EMCN: variants seen among roughly 807,000 people sequenced by gnomAD.
EMCN encodes MUC-14.
A neutral mutation model predicts 38.4 loss-of-function variants in EMCN; 37 were observed. That is an observed-to-expected ratio of 0.96 (90% CI 0.74 to 1.27). The LOEUF is 1.27. EMCN is among the 50% of genes most tolerant of loss of function. The pLI is 0.00. For missense variants in EMCN, 318 were observed against 302.8 expected (o/e 1.05, Z -0.37); for synonymous variants, 95 against 100.8 (o/e 0.94, Z 0.35).
At chr4:100,510,449 T>C (rs529912837) in intron 1 of EMCN, among the ~76,000 whole-genome samples, 1 of 152,340 alleles carries the variant, frequency 6.6e-6, no homozygotes, top group African/African-American at 2.4e-5. Flanking sequence ...ATTAACATTG[T>C]AATTGTTTAA....
intron 1 of EMCN, among the ~76,000 whole-genome samples, chr4:100,498,537 A>G (rs951612701): frequency 6.6e-6 from 1 of 151,272 alleles, no homozygotes; most frequent in Non-Finnish European, 1.5e-5. Context: ...CCAGGAGTGC[A>G]GTGGCACAAT....
At chr4:100,507,132 G>T (rs1318580313) in intron 1 of EMCN, among the ~76,000 whole-genome samples, 1 of 152,088 alleles carries the variant, frequency 6.6e-6, no homozygotes, top group East Asian at 1.9e-4. Flanking sequence ...TACCCTATAG[G>T]ATAGAGGCCC....
At chr4:100,490,978 T>G (rs1362621773) in intron 1 of EMCN, among the ~76,000 whole-genome samples, 1 of 152,232 alleles carries the variant, frequency 6.6e-6, no homozygotes, top group East Asian at 1.9e-4. Flanking sequence ...GAGAAATGTC[T>G]CTTTAGTTCT....
chr4:100,445,122 G>A (rs1488504792), intron 5 of EMCN, among the ~76,000 whole-genome samples: 1 of 152,126 alleles, frequency 6.6e-6, no homozygotes, highest in Non-Finnish European at 1.5e-5. Flanking sequence ...GATTTCTGCT[G>A]CTGTTCTCCA....
intron 11 of EMCN, among the ~76,000 whole-genome samples, chr4:100,405,164 A>G (rs1425670309): frequency 6.6e-6 from 1 of 152,032 alleles, no homozygotes; most frequent in African/African-American, 2.4e-5. Context: ...CTATGAAGAC[A>G]GATCGTTTAA....
At chr4:100,418,789 G>T (rs1726808228) in intron 8 of EMCN, among the ~76,000 whole-genome samples, 1 of 152,018 alleles carries the variant, frequency 6.6e-6, no homozygotes, top group Non-Finnish European at 1.5e-5. Context: ...CTATTCATCT[G>T]CTGATGGACA....
intron 1 of EMCN, among the ~76,000 whole-genome samples, chr4:100,496,646 A>G (rs1484118617): frequency 6.6e-6 from 1 of 152,218 alleles, no homozygotes; most frequent in Admixed American, 6.5e-5. Context: ...ATCATTAACT[A>G]TGATGGTTTC....
chr4:100,412,091 G>A (rs1726578932), intron 10 of EMCN, among the ~76,000 whole-genome samples: 1 of 152,122 alleles, frequency 6.6e-6, no homozygotes, highest in East Asian at 1.9e-4. Flanking sequence ...ATTACCATTA[G>A]AGGGGTAAGT....
chr4:100,440,182 A>C (rs1471838355), intron 5 of EMCN, among the ~76,000 whole-genome samples: 2 of 151,940 alleles, frequency 1.3e-5, no homozygotes, highest in African/African-American at 4.8e-5. Flanking sequence ...TTTCTTTTTT[A>C]ATTTTCTGTC....
chr4:100,500,247 C>T (rs908560211), intron 1 of EMCN, among the ~76,000 whole-genome samples: 16 of 152,116 alleles, frequency 1.1e-4, no homozygotes, highest in Admixed American at 9.2e-4. Flanking sequence ...CTTGAAGGAT[C>T]TTATCATCTT....
rs145070357 is a variant in EMCN at position 100,498,274 on chromosome 4, A to G, written c.65-18235T>C. 5.3e-5 allele frequency among the ~76,000 whole-genome samples: 8 copies of G among 152,330 alleles called. No homozygotes were observed. The East Asian group carries it at 1.5e-3, about 29-fold the overall frequency. On this transcript the variant is annotated intron_variant, in intron 1 of 11. Transcript: ENST00000296420. ...AATTTTCCAATCTGTAAATGAAAGT[A>G]AAAAGAATTTCAGCCTAAAATTTGT... is the stretch of plus-strand genomic sequence containing the variant.
chr4:100,500,636 T>C (rs1285464189), intron 1 of EMCN, among the ~76,000 whole-genome samples: 1 of 152,122 alleles, frequency 6.6e-6, no homozygotes, highest in African/African-American at 2.4e-5. Context: ...AGTGTTTTAA[T>C]TTTATGTAAA....
At chr4:100,465,692 G>A (rs1433889614) in intron 3 of EMCN, among the ~76,000 whole-genome samples, 153 bp from the exon 4 acceptor site, 1 of 152,004 alleles carries the variant, frequency 6.6e-6, no homozygotes, top group Non-Finnish European at 1.5e-5. Context: ...TTCACCTTTT[G>A]GTGATATAAT....
At chr4:100,475,604 A>C (rs1046083938) in intron 2 of EMCN, among the ~76,000 whole-genome samples, 6 of 144,708 alleles carry the variant, frequency 4.1e-5, no homozygotes, top group African/African-American at 1.6e-4. Flanking sequence ...CTTCCCTATT[A>C]ATTTGTGTGC....
intron 1 of EMCN, 108 bp from the exon 2 acceptor site, chr4:100,480,147 AT>A: frequency 1.1e-6 from 1 of 909,228 alleles, no homozygotes; most frequent in Non-Finnish European, 1.6e-6. Flanking sequence ...TTTGCAACCA[AT>A]TTTCCAGTTG....
chr4:100,494,498 A>G (rs1374504963), intron 1 of EMCN, among the ~76,000 whole-genome samples: 8 of 152,078 alleles, frequency 5.3e-5, no homozygotes, highest in Admixed American at 2.0e-4. Context: ...TAAACAGCAT[A>G]TCTTTGCTTC....
chr4:100,456,040 C>T (rs1728008737), intron 4 of EMCN, among the ~76,000 whole-genome samples: 1 of 152,062 alleles, frequency 6.6e-6, no homozygotes, highest in East Asian at 1.9e-4. Flanking sequence ...AGCGATTTGC[C>T]CACTTTGGAC....
At chr4:100,487,072 T>G (rs1475777245) in intron 1 of EMCN, 3 of 956,710 alleles carry the variant, frequency 3.1e-6, no homozygotes, top group Admixed American at 1.2e-4. Context: ...TTTATAAATG[T>G]AGGAGTGGGA....
At chr4:100,443,519 G>A (rs908585837) in intron 5 of EMCN, among the ~76,000 whole-genome samples, 1 of 152,194 alleles carries the variant, frequency 6.6e-6, no homozygotes, top group African/African-American at 2.4e-5. Flanking sequence ...TCCTGTTCTT[G>A]TCTTTCCCAC....
Sources: allele counts gnomAD v4.1 joint callset (sites outside exome capture counted in the v4.1 genomes callset), GRCh38; gene constraint gnomAD v4.1.1; transcripts MANE v1.5; gene names NCBI Gene and HGNC (gene_info 2026-07-23, HGNC 2026-07-21).